Variants in UBE2D1 observed in about 807,000 individuals in gnomAD.
The protein encoded by UBE2D1 is ubiquitin-conjugating enzyme E2 D1.
In UBE2D1, 9 loss-of-function variants were observed where a neutral mutation model predicts 24.6. That is an observed-to-expected ratio of 0.37 (90% CI 0.22 to 0.64). UBE2D1 has a LOEUF of 0.64. Ranked by LOEUF, UBE2D1 falls within the 30% of genes least tolerant of loss-of-function variation. UBE2D1 has a pLI of 0.64. For missense variants in UBE2D1, 87 were observed against 177.1 expected (o/e 0.49, Z 2.89); for synonymous variants, 57 against 57.6 (o/e 0.99, Z 0.04).
chr10:58,360,444 C>A (rs1222601743), intron 1 of UBE2D1, among the ~76,000 whole-genome samples: 4 of 149,718 alleles, frequency 2.7e-5, no homozygotes, highest in Non-Finnish European at 4.4e-5. Flanking sequence ...AAAAAAAAAT[C>A]CAAAAAAGAG....
At chr10:58,337,857 T>G (rs1263145075) in intron 1 of UBE2D1, among the ~76,000 whole-genome samples, 1 of 152,056 alleles carries the variant, frequency 6.6e-6, no homozygotes, top group African/African-American at 2.4e-5. Flanking sequence ...TAATCTCTTT[T>G]TTTTTTTGAG....
intron 1 of UBE2D1, among the ~76,000 whole-genome samples, chr10:58,338,047 G>A (rs1839921903): frequency 6.6e-6 from 1 of 151,884 alleles, no homozygotes; most frequent in Admixed American, 6.6e-5. Context: ...GGGTTTCACC[G>A]TGTTGCCTAG....
At chr10:58,360,061 C>T (rs1207776199) in intron 1 of UBE2D1, among the ~76,000 whole-genome samples, 1 of 152,192 alleles carries the variant, frequency 6.6e-6, no homozygotes, top group Non-Finnish European at 1.5e-5. Flanking sequence ...ACCTCCCTCA[C>T]CCCCTACCTA....
intron 5 of UBE2D1, 29 bp from the exon 6 acceptor site, chr10:58,367,894 T>A (rs1840273968): frequency 3.4e-6 from 5 of 1,459,412 alleles, no homozygotes; most frequent in Non-Finnish European, 3.8e-6. Flanking sequence ...AGGGTTATTG[T>A]CTAATGTGAT....
intron 1 of UBE2D1, among the ~76,000 whole-genome samples, chr10:58,358,453 T>C (rs952925817): frequency 2.8e-4 from 43 of 152,180 alleles, no homozygotes; most frequent in African/African-American, 1.0e-3. Context: ...CTCAGTCATT[T>C]AAACTATTTT....
At chr10:58,356,056 T>C (rs1840127825) in intron 1 of UBE2D1, among the ~76,000 whole-genome samples, 1 of 152,174 alleles carries the variant, frequency 6.6e-6, no homozygotes, top group African/African-American at 2.4e-5. Flanking sequence ...AATGCCATTT[T>C]ATCTCTTTTT....
chr10:58,358,868 C>A (rs980802316), intron 1 of UBE2D1, among the ~76,000 whole-genome samples: 1 of 151,504 alleles, frequency 6.6e-6, no homozygotes, highest in Non-Finnish European at 1.5e-5. Context: ...TCAGGCGACC[C>A]TCCTGCCTCA....
At chr10:58,364,442 C>G (rs914844116) in intron 4 of UBE2D1, 1 of 176,312 alleles carries the variant, frequency 5.7e-6, no homozygotes, top group Non-Finnish European at 1.2e-5. Context: ...AGGATTACTT[C>G]TACATATGAT....
At position 58,350,941 on chromosome 10, in the gene UBE2D1, C is replaced by T. The variant is rs556288950; in HGVS notation, c.25-10397C>T. Among the ~76,000 whole-genome samples the T allele has an allele frequency of 2.0e-4, 31 of 152,270 alleles. 2 individuals carry two copies. The East Asian group carries it at 6.0e-3, about 29-fold the overall frequency. On this transcript the variant is annotated intron_variant, in intron 1 of 6. Transcript: ENST00000373910. Reference sequence around the variant, plus strand: ...TATACAGCATGTTACCGTGCTGATACTGTAGGCAATTGTAACACAGTGGGA... The same window carrying T: ...TATACAGCATGTTACCGTGCTGATATTGTAGGCAATTGTAACACAGTGGGA...
intron 1 of UBE2D1, among the ~76,000 whole-genome samples, chr10:58,360,247 C>T (rs1330939049): frequency 2.0e-4 from 31 of 152,178 alleles, no homozygotes; most frequent in Admixed American, 2.0e-3. Context: ...AATGTCACTT[C>T]CTCAGAGATG....
chr10:58,336,983 G>C (rs1041433590), intron 1 of UBE2D1, among the ~76,000 whole-genome samples: 2 of 152,120 alleles, frequency 1.3e-5, no homozygotes, highest in African/African-American at 4.8e-5. Flanking sequence ...ACAGTAAGTG[G>C]ATATTCAAAG....
At chr10:58,342,869 G>T (rs550547737) in intron 1 of UBE2D1, among the ~76,000 whole-genome samples, 1 of 142,136 alleles carries the variant, frequency 7.0e-6, no homozygotes, top group East Asian at 2.0e-4. Context: ...TGCTCTTGTC[G>T]CCCAGGCTGG....
intron 1 of UBE2D1, among the ~76,000 whole-genome samples, chr10:58,339,633 A>G (rs1401139191): frequency 6.6e-6 from 1 of 152,026 alleles, no homozygotes; most frequent in Non-Finnish European, 1.5e-5. Context: ...AAACAGTGTT[A>G]TTTCCATTTT....
chr10:58,364,856 C>A lies in UBE2D1; in HGVS notation c.284C>A (p.Pro95Gln). 2 of 1,613,140 alleles carry A rather than the reference C, an allele frequency of 1.2e-6. No individual in the cohort carries two copies. Among genetic ancestry groups the A allele is most frequent in the Non-Finnish European group, 1.7e-6 (2 of 1,179,318 alleles). The change falls in exon 5 of 7, where the codon CCA becomes CAA. Residue 95 changes from proline (P) to glutamine (Q), a missense_variant. By Grantham distance (76) the Pro-to-Gln change is moderately conservative. Coordinates refer to ENST00000373910, the MANE Select transcript of UBE2D1 (RefSeq NM_003338.5). ...CLDILRSQWS[P>Q]ALTVSKVLLS... ...GATATTCTGAGGTCACAATGGTCAC[C>A]AGCTCTGACTGTATCAAAAGGTAAT...
chr10:58,340,861 G>GT (rs1839954604), intron 1 of UBE2D1, among the ~76,000 whole-genome samples: 1 of 152,082 alleles, frequency 6.6e-6, no homozygotes, highest in Non-Finnish European at 1.5e-5. Context: ...ACATGAACTC[G>GT]TATCTATTGT....
At chr10:58,337,256 C>T (rs1839913249) in intron 1 of UBE2D1, among the ~76,000 whole-genome samples, 1 of 152,124 alleles carries the variant, frequency 6.6e-6, no homozygotes, top group African/African-American at 2.4e-5. Flanking sequence ...TTTGGCTTCC[C>T]TTTCTGATAT....
chr10:58,360,755 AC>A (rs1042819436), intron 1 of UBE2D1, among the ~76,000 whole-genome samples: 1 of 152,142 alleles, frequency 6.6e-6, no homozygotes, highest in African/African-American at 2.4e-5. Flanking sequence ...CCCCATCTCT[AC>A]AAATAAAATT....
At chr10:58,360,961 T>A (rs1314587998) in intron 1 of UBE2D1, 1 of 461,970 alleles carries the variant, frequency 2.2e-6, no homozygotes, top group East Asian at 6.6e-5. Context: ...TTATTCTTTC[T>A]GAGCCTTCAT....
intron 1 of UBE2D1, among the ~76,000 whole-genome samples, chr10:58,345,458 G>A (rs532805390): frequency 6.6e-6 from 1 of 152,264 alleles, no homozygotes; most frequent in African/African-American, 2.4e-5. Context: ...TTGTATGACA[G>A]CAAGACCCTG....
Sources: gnomAD v4.1 joint callset for allele counts (sites outside exome capture counted in the v4.1 genomes callset) on GRCh38, gnomAD v4.1.1 for gene constraint, MANE v1.5 for transcripts, NCBI Gene and HGNC (gene_info 2026-07-23, HGNC 2026-07-21) for gene names.